MMP16: variants seen among roughly 807,000 people sequenced by gnomAD.
MMP16 encodes matrix metalloproteinase-16.
MMP16 carries 12 observed loss-of-function variants against 67.8 expected under a neutral mutation model. The observed-to-expected ratio is 0.18, with a 90% CI of 0.11 to 0.29. MMP16 has a LOEUF of 0.29. Ranked by LOEUF, MMP16 falls within the 10% of genes least tolerant of loss-of-function variation. MMP16 has a pLI of 1.00. For missense variants in MMP16, 475 were observed against 765.7 expected, an observed-to-expected ratio of 0.62 and a Z score of 4.48; for synonymous variants, 249 against 255.9, an observed-to-expected ratio of 0.97 and a Z score of 0.26.
At chr8:88,242,664 A>C (rs549326766) in intron 1 of MMP16, among the ~76,000 whole-genome samples, 1 of 152,322 alleles carries the variant, frequency 6.6e-6, no homozygotes, top group South Asian at 2.1e-4. Flanking sequence ...TGAATGCTGA[A>C]ACTGATGGTT....
chr8:88,246,965 G>A (rs528538053), intron 1 of MMP16, among the ~76,000 whole-genome samples: 7 of 152,106 alleles, frequency 4.6e-5, no homozygotes, highest in Non-Finnish European at 8.8e-5. Flanking sequence ...ATCATGTGAC[G>A]GTAAATGGAA....
At chr8:88,266,926 C>A (rs977793460) in intron 1 of MMP16, among the ~76,000 whole-genome samples, 2 of 152,186 alleles carry the variant, frequency 1.3e-5, no homozygotes, top group Non-Finnish European at 2.9e-5. Flanking sequence ...AAACTGGTCA[C>A]ATGAGTTGAG....
intron 4 of MMP16, among the ~76,000 whole-genome samples, chr8:88,127,329 G>A (rs1211943697): frequency 6.6e-6 from 1 of 151,770 alleles, no homozygotes; most frequent in East Asian, 1.9e-4. Context: ...GGAGTATGAT[G>A]CAATATGAAA....
intron 2 of MMP16, among the ~76,000 whole-genome samples, chr8:88,187,446 A>G (rs1251053924): frequency 6.6e-6 from 1 of 152,186 alleles, no homozygotes; most frequent in African/African-American, 2.4e-5. Context: ...AGTGCGTTAT[A>G]AAGTGACTTT....
At chr8:88,117,416 A>C (rs965181434) in intron 5 of MMP16, among the ~76,000 whole-genome samples, 10 of 152,124 alleles carry the variant, frequency 6.6e-5, no homozygotes, top group Non-Finnish European at 7.4e-5. Context: ...CATCATTCTC[A>C]AGAGATTCAT....
chr8:88,097,376 C>CTAACTTTG lies in MMP16; in HGVS notation c.1083+19123_1083+19130dup, dbSNP rs1586149562. Reference sequence around the variant, plus strand: ...GGCTCATGCCTCTAATCCCCAAATACTAACTTTGGGAGGCTGAGGTGATCA... The same window carrying CTAACTTTG: ...GGCTCATGCCTCTAATCCCCAAATACTAACTTTGTAACTTTGGGAGGCTGAGGTGATCA... On this transcript the variant is annotated intron_variant, in intron 6 of 9. Transcript: ENST00000286614. Among the ~76,000 whole-genome samples the CTAACTTTG allele has an allele frequency of 3.3e-5, 5 of 151,736 alleles. No individual in the cohort carries two copies. In the East Asian group the frequency reaches 9.8e-4, roughly 30 times the overall value.
intron 7 of MMP16, among the ~76,000 whole-genome samples, chr8:88,065,941 G>A (rs1481014323): frequency 1.3e-5 from 2 of 152,028 alleles, no homozygotes; most frequent in Non-Finnish European, 2.9e-5. Context: ...TCTTGTGTAT[G>A]CCATTTTTAT....
rs1446906139 is a variant in MMP16 at position 88,058,224 on chromosome 8, A to G, written c.1223-1946T>C. On this transcript the variant is annotated intron_variant, in intron 7 of 9. Transcript: ENST00000286614. This position sits in a 1 kb window ranked among gnomAD's most constrained non-coding sequence, Gnocchi z 4.2. Reference sequence around the variant, plus strand: ...TGAGTTGGAATCTTACTTAGAGTGTACTGGAGGCCATCAAGGAGATTAAGT... The same window carrying G: ...TGAGTTGGAATCTTACTTAGAGTGTGCTGGAGGCCATCAAGGAGATTAAGT... Among the ~76,000 whole-genome samples, 4 of 152,262 alleles carry G rather than the reference A, an allele frequency of 2.6e-5. No homozygotes were observed. Among genetic ancestry groups the G allele is most frequent in the African/African-American group, 9.6e-5 (4 of 41,586 alleles).
chr8:88,268,221 A>C (rs1321449813), intron 1 of MMP16, among the ~76,000 whole-genome samples: 1 of 152,144 alleles, frequency 6.6e-6, no homozygotes, highest in East Asian at 1.9e-4. Flanking sequence ...GCATGCCTCT[A>C]ATCTCAGCTA....
At chr8:88,247,311 G>C (rs1448503640) in intron 1 of MMP16, among the ~76,000 whole-genome samples, 1 of 152,126 alleles carries the variant, frequency 6.6e-6, no homozygotes, top group Non-Finnish European at 1.5e-5. Flanking sequence ...CATTTCTACT[G>C]TCTAGCACTT....
chr8:88,259,591 A>C (rs1171918632), intron 1 of MMP16, among the ~76,000 whole-genome samples: 2 of 152,128 alleles, frequency 1.3e-5, no homozygotes, highest in South Asian at 2.1e-4. Context: ...CCAAGCAAAA[A>C]AATAAAAATA....
chr8:88,300,003 T>C (rs1256211942), intron 1 of MMP16, among the ~76,000 whole-genome samples: 1 of 152,184 alleles, frequency 6.6e-6, no homozygotes, highest in Non-Finnish European at 1.5e-5. Context: ...ATTTCTTTTC[T>C]ATAAAAGTAA....
intron 1 of MMP16, among the ~76,000 whole-genome samples, chr8:88,252,195 G>A (rs1000641576): frequency 7.3e-5 from 11 of 151,048 alleles, no homozygotes; most frequent in Admixed American, 3.3e-4. Flanking sequence ...ACATGCACAC[G>A]TATGTTTATT....
rs112491944 is a variant in MMP16, at chr8:88,195,223, T to A, written c.281+1935A>T. Among the ~76,000 whole-genome samples the A allele has an allele frequency of 1.1e-3, 160 of 152,250 alleles. 1 individual carries two copies. The highest frequency in any genetic ancestry group is 3.8e-3 in the African/African-American group (156 of 41,528). On this transcript the variant is annotated intron_variant, in intron 2 of 9. Transcript: ENST00000286614. ...AGAAAACAAACATTTCCATCCCAAG[T>A]CCTTCCAATGACCAACAGGAGCTCA...
chr8:88,143,877 A>G (rs998222472), intron 4 of MMP16, among the ~76,000 whole-genome samples: 8 of 152,016 alleles, frequency 5.3e-5, no homozygotes, highest in African/African-American at 1.7e-4. Context: ...TCAGATTGGA[A>G]ACTTAAGTCT....
rs1808064324 is a variant in MMP16, at chr8:88,037,066, A to G, written c.*4395T>C. ...CACTTTGAGTTTAGTTAATATGGAC[A>G]CACTATTTATTCCACTGTAAGATCC... On this transcript the variant is annotated 3_prime_UTR_variant, in exon 10 of 10. Coordinates refer to ENST00000286614, the MANE Select transcript of MMP16 (RefSeq NM_005941.5). 1 of 151,002 alleles carries G rather than the reference A, an allele frequency of 6.6e-6. No homozygotes were observed. Among genetic ancestry groups the G allele is most frequent in the Admixed American group, 6.7e-5 (1 of 15,006 alleles). The allele number at this position is 151,002 out of a possible 1,614,324, so 9.4% of individuals were successfully genotyped here.
At chr8:88,064,654 G>A (rs2118248532) in intron 7 of MMP16, among the ~76,000 whole-genome samples, 1 of 152,148 alleles carries the variant, frequency 6.6e-6, no homozygotes, top group Admixed American at 6.6e-5. Context: ...GATCAAATTT[G>A]CTTATCACCT....
At chr8:88,153,498 G>T (rs1390192014) in intron 4 of MMP16, among the ~76,000 whole-genome samples, 1 of 152,068 alleles carries the variant, frequency 6.6e-6, no homozygotes, top group African/African-American at 2.4e-5. Flanking sequence ...AAACAGCATG[G>T]TACTGGTACC....
intron 1 of MMP16, among the ~76,000 whole-genome samples, chr8:88,242,528 G>A (rs185559254): frequency 6.6e-6 from 1 of 152,252 alleles, no homozygotes; most frequent in African/African-American, 2.4e-5. Flanking sequence ...CAGAAAACTG[G>A]TCCAAAGACT....
Sources: allele counts gnomAD v4.1 joint callset (sites outside exome capture counted in the v4.1 genomes callset), GRCh38; gene constraint gnomAD v4.1.1; non-coding constraint Gnocchi (gnomAD v3.1); transcripts MANE v1.5; gene names NCBI Gene and HGNC (gene_info 2026-07-23, HGNC 2026-07-21).